SPINDOC: variants seen among roughly 807,000 people sequenced by gnomAD.
SPINDOC encodes the protein spindlin interactor and repressor of chromatin binding.
SPINDOC carries 13 observed loss-of-function variants against 30.7 expected under a neutral mutation model. The ratio of observed to expected loss-of-function variants is 0.42; its 90% CI spans 0.28 to 0.67. The LOEUF is 0.67. Ranked by LOEUF, SPINDOC falls within the 30% of genes least tolerant of loss-of-function variation. The pLI is 0.22. For synonymous variants in SPINDOC, 228 were observed against 211.4 expected, an observed-to-expected ratio of 1.08 and a Z score of -0.68; for missense variants, 438 against 518.0, an observed-to-expected ratio of 0.85 and a Z score of 1.50.
At chr11:63,823,210 G>A in intron 5 of SPINDOC, 1 of 1,289,018 alleles carries the variant, frequency 7.8e-7, no homozygotes, top group Non-Finnish European at 1.0e-6. Context: ...AGAGGCTCTG[G>A]ACCTGTGGTT....
chr11:63,822,356 TAAAAAAAA>T (rs753315518), intron 5 of SPINDOC, among the ~76,000 whole-genome samples: 7 of 58,824 alleles, frequency 1.2e-4, no homozygotes, highest in African/African-American at 3.3e-4. Context: ...CTAGACTGTC[TAAAAAAAA>T]AAAAAAAAAA....
chr11:63,813,534 C>T lies in SPINDOC; in HGVS notation c.-153C>T, dbSNP rs1461058241. On this transcript the variant is annotated 5_prime_UTR_variant, in exon 1 of 6. Transcript: ENST00000294244. ...CGGACGCGCCGGTCGCAGGCCCGGC[C>T]GGCGAGCGGCGGGCGGGCGGCGGGG... The T allele has an allele frequency of 5.3e-6, 3 of 570,648 alleles. No individual in the cohort carries two copies. Among genetic ancestry groups the T allele is most frequent in the Non-Finnish European group, 6.6e-6 (3 of 454,008 alleles). The allele number at this position is 570,648 out of a possible 1,614,324, so 35.3% of individuals were successfully genotyped here.
chr11:63,825,486 A>G (rs1468016318), intron 5 of SPINDOC, among the ~76,000 whole-genome samples: 8 of 152,082 alleles, frequency 5.3e-5, no homozygotes, highest in Admixed American at 5.2e-4. Flanking sequence ...TCCATATATA[A>G]CATACTGCAT....
chr11:63,821,933 GAGACA>G (rs1174454122), intron 5 of SPINDOC, among the ~76,000 whole-genome samples: 1 of 152,124 alleles, frequency 6.6e-6, no homozygotes, highest in Non-Finnish European at 1.5e-5. Context: ...ATTTTTTGTA[GAGACA>G]GGTTTTCACT....
In SPINDOC at chr11:63,817,796, C is replaced by G. The variant is rs2015382656; in HGVS notation, c.128-9C>G. ...TTAGTGATAACACCCTCCCCCTCTC[C>G]CCTCGCAGTGACCCAACAGGAGAAG... On this transcript the variant is annotated splice_polypyrimidine_tract_variant and intron_variant, in intron 1 of 5. Transcript: ENST00000294244. 6.4e-7 allele frequency: 1 copy of G among 1,555,980 alleles called. No homozygotes were observed. The highest frequency in any genetic ancestry group is 1.9e-5 in the Admixed American group (1 of 52,068).
In SPINDOC at chr11:63,817,835, G is replaced by A. The variant is rs779268016; in HGVS notation, c.158G>A (p.Arg53Lys). The A allele has an allele frequency of 6.9e-6, 11 of 1,602,400 alleles. No homozygotes were observed. Among genetic ancestry groups the A allele is most frequent in the Non-Finnish European group, 5.1e-6 (6 of 1,174,534 alleles). ...VTQQEKTPPP[R>K]PSPLEAGSDG... ...CAACAGGAGAAGACCCCACCGCCTA[G>A]ACCCAGCCCGCTAGAGGCAGGCAGT... Residue 53 changes from arginine to lysine, a missense_variant, in exon 2 of 6, where the codon AGA becomes AAA. Transcript: ENST00000294244.
At position 63,817,911 on chromosome 11, in the gene SPINDOC, G is replaced by T; in HGVS notation, c.234G>T (p.Leu78=). 1 of 1,614,048 alleles carries T rather than the reference G, an allele frequency of 6.2e-7. No individual in the cohort carries two copies. Among genetic ancestry groups the T allele is most frequent in the Non-Finnish European group, 8.5e-7 (1 of 1,180,022 alleles). The change falls in exon 2 of 6, where the codon CTG becomes CTT. Residue 78 remains leucine, a synonymous_variant. Transcript: ENST00000294244. ...AGGTGTCTTGGGAGCAGGAGTTCCTGGTGGGCAGCAGCCCAGGAGGCAGCG... is the reference window on the plus strand; with the variant it reads ...AGGTGTCTTGGGAGCAGGAGTTCCTTGTGGGCAGCAGCCCAGGAGGCAGCG... The part of the protein sequence containing the change: ...KQQVSWEQEF[L]VGSSPGGSGR...
intron 5 of SPINDOC, among the ~76,000 whole-genome samples, chr11:63,824,434 G>A (rs558957393): frequency 2.0e-5 from 3 of 152,290 alleles, no homozygotes; most frequent in African/African-American, 7.2e-5. Context: ...GGGCCTGCAG[G>A]TTAGGGTGTT....
chr11:63,817,598 T>C (rs1347448505), intron 1 of SPINDOC, among the ~76,000 whole-genome samples: 1 of 152,072 alleles, frequency 6.6e-6, no homozygotes, highest in African/African-American at 2.4e-5. Flanking sequence ...AGAGGAAGTA[T>C]AGACGCGAGA....
chr11:63,820,323 G>T (rs2015475960), intron 5 of SPINDOC, among the ~76,000 whole-genome samples: 1 of 151,134 alleles, frequency 6.6e-6, no homozygotes, highest in Non-Finnish European at 1.5e-5. Flanking sequence ...GCTTGAACCT[G>T]GGAGGTGGAA....
At chr11:63,816,046 G>A (rs1280382893) in intron 1 of SPINDOC, among the ~76,000 whole-genome samples, 3 of 152,152 alleles carry the variant, frequency 2.0e-5, no homozygotes, top group East Asian at 1.9e-4. Context: ...GGATTCAGGC[G>A]TGAGCCACCG....
chr11:63,818,744 G>A lies in SPINDOC; in HGVS notation c.734-58G>A. 6.2e-7 allele frequency: 1 copy of A among 1,612,058 alleles called. No individual in the cohort carries two copies. The stretch of plus-strand genomic sequence containing the variant: ...AGGATGGAGCAGGGCCTGGGCGCAG[G>A]GCGCCTGCAGCTCCTGAGGCTTTTT... On this transcript the variant is annotated intron_variant, in intron 4 of 5. Coordinates refer to ENST00000294244, the MANE Select transcript of SPINDOC (RefSeq NM_138471.3). This position sits in a 1 kb window ranked among gnomAD's most constrained non-coding sequence, Gnocchi z 5.3.
At chr11:63,819,558 G>A (rs1037664485) in intron 5 of SPINDOC, among the ~76,000 whole-genome samples, 5 of 148,630 alleles carry the variant, frequency 3.4e-5, no homozygotes, top group Non-Finnish European at 5.9e-5. Flanking sequence ...GTGCAGTGGC[G>A]CGATCTCGGT....
intron 5 of SPINDOC, among the ~76,000 whole-genome samples, chr11:63,824,313 T>G (rs981581802): frequency 4.6e-5 from 7 of 152,146 alleles, no homozygotes; most frequent in African/African-American, 7.2e-5. Flanking sequence ...TCGCCTGGTG[T>G]TCCTCTTCCC....
At position 63,818,476 on chromosome 11, in the gene SPINDOC, G is replaced by A; in HGVS notation, c.608-51G>A. On this transcript the variant is annotated intron_variant, in intron 3 of 5. Coordinates refer to ENST00000294244, the MANE Select transcript of SPINDOC (RefSeq NM_138471.3). This position sits in a 1 kb window ranked among gnomAD's most constrained non-coding sequence, Gnocchi z 5.3. Reference sequence around the variant, plus strand: ...TATCTTCAGGAGCCCTGGGGTGGCAGGGTTCGGGGATGGCCTCTTTAAAAG... The same window carrying A: ...TATCTTCAGGAGCCCTGGGGTGGCAAGGTTCGGGGATGGCCTCTTTAAAAG... The A allele has an allele frequency of 1.2e-6, 2 of 1,604,588 alleles. No homozygotes were observed. Among genetic ancestry groups the A allele is most frequent in the East Asian group, 2.2e-5 (1 of 44,818 alleles).
chr11:63,824,012 A>G (rs1050192885), intron 5 of SPINDOC, among the ~76,000 whole-genome samples: 1 of 151,204 alleles, frequency 6.6e-6, no homozygotes, highest in African/African-American at 2.4e-5. Flanking sequence ...AGTTCAAGCG[A>G]TTCTCCTTCC....
At chr11:63,821,998 C>T (rs1408651571) in intron 5 of SPINDOC, among the ~76,000 whole-genome samples, 1 of 152,158 alleles carries the variant, frequency 6.6e-6, no homozygotes, top group African/African-American at 2.4e-5. Flanking sequence ...GTCCTCCCAC[C>T]TGGGCCTCCC....
Position 63,827,324 on chromosome 11 carries a change from G to T in SPINDOC, c.*185G>T. 1 of 1,113,300 alleles carries T rather than the reference G, an allele frequency of 9.0e-7. No individual in the cohort carries two copies. Among genetic ancestry groups the T allele is most frequent in the East Asian group, 2.6e-5 (1 of 38,552 alleles). The allele number at this position is 1,113,300 out of a possible 1,614,324, so 69.0% of individuals were successfully genotyped here. A position where few individuals can be genotyped will look rare whatever the true frequency, so the allele number is the denominator to read the frequency against. The stretch of plus-strand genomic sequence containing the variant: ...AAAGTGTCTGTTCCTGGCCAGGCCT[G>T]AGGTCGGCGAGGGTGGCTGAGGCTG... On this transcript the variant is annotated 3_prime_UTR_variant, in exon 6 of 6. Coordinates refer to ENST00000294244, the MANE Select transcript of SPINDOC (RefSeq NM_138471.3).
At chr11:63,814,466 A>G (rs142703558) in intron 1 of SPINDOC, among the ~76,000 whole-genome samples, 3 of 152,190 alleles carry the variant, frequency 2.0e-5, no homozygotes, top group Non-Finnish European at 2.9e-5. Flanking sequence ...TTGGGAGGGG[A>G]TGGGAGGAAC....
Sources: gnomAD v4.1 joint callset for allele counts (sites outside exome capture counted in the v4.1 genomes callset) on GRCh38, gnomAD v4.1.1 for gene constraint, Gnocchi (gnomAD v3.1) non-coding constraint, MANE v1.5 for transcripts, NCBI Gene and HGNC (gene_info 2026-07-23, HGNC 2026-07-21) for gene names.